FAM13A: variants seen among roughly 807,000 people sequenced by gnomAD.
FAM13A encodes protein FAM13A.
Under a neutral mutation model 129.6 loss-of-function variants are expected in FAM13A, and 76 were observed. The ratio of observed to expected loss-of-function variants is 0.59; its 90% confidence interval spans 0.49 to 0.71. The LOEUF is 0.71. Ranked by LOEUF, FAM13A falls within the 30% of genes least tolerant of loss-of-function variation. FAM13A has a pLI of 0.00. For synonymous variants in FAM13A, 443 were observed against 449.9 expected, an observed-to-expected ratio of 0.98 and a Z score of 0.20; for missense variants, 1,108 against 1,249.3, an observed-to-expected ratio of 0.89 and a Z score of 1.70.
chr4:88,778,528 G>A (rs1722227377), intron 11 of FAM13A, among the ~76,000 whole-genome samples: 1 of 152,180 alleles, frequency 6.6e-6, no homozygotes, highest in South Asian at 2.1e-4. Context: ...CTAGATCAGT[G>A]AAGGGTACAG....
At chr4:89,008,792 G>A (rs1579747995) in intron 3 of FAM13A, among the ~76,000 whole-genome samples, 1 of 152,190 alleles carries the variant, frequency 6.6e-6, no homozygotes, top group South Asian at 2.1e-4. Flanking sequence ...CACTTAAATT[G>A]TGATTAAAGA....
At chr4:88,845,419 A>T (rs1736477035) in intron 7 of FAM13A, among the ~76,000 whole-genome samples, 1 of 152,108 alleles carries the variant, frequency 6.6e-6, no homozygotes, top group South Asian at 2.1e-4. Context: ...GTGACACTAG[A>T]TTAGCCATGG....
At position 88,749,697 on chromosome 4, in the gene FAM13A, T is replaced by C. The variant is rs146309280; in HGVS notation, c.2079+74A>G. The C allele has an allele frequency of 1.0e-3, 1,602 of 1,526,500 alleles. 23 individuals are homozygous for C. In the Admixed American group the frequency reaches 0.027, roughly 26 times the overall value. 94.6% of individuals were successfully genotyped at this position (1,526,500 alleles called of 1,614,324 possible). ...AAGCCTCCCTTAACCTTTCGTCGTT[T>C]CTTTGAGTTGCTGAAATGCTGCCAT... is the stretch of plus-strand genomic sequence containing the variant. On this transcript the variant is annotated intron_variant, in intron 16 of 23. Coordinates refer to ENST00000264344, the MANE Select transcript of FAM13A (RefSeq NM_014883.4).
rs529029175 is a variant in FAM13A, at chr4:88,727,326, A to G, written c.*1207T>C. ...ATCAGGCACACTGAAGAGATGGAGG[A>G]TTTGGTGTCTTACATTTCCTGGTCC... is the stretch of plus-strand genomic sequence containing the variant. On this transcript the variant is annotated 3_prime_UTR_variant, in exon 24 of 24. Coordinates refer to ENST00000264344, the MANE Select transcript of FAM13A (RefSeq NM_014883.4). 1.3e-5 allele frequency: 2 copies of G among 152,770 alleles called. No individual in the cohort carries two copies. Among genetic ancestry groups the G allele is most frequent in the South Asian group, 4.1e-4 (2 of 4,820 alleles). 9.5% of individuals were successfully genotyped at this position (152,770 alleles called of 1,614,324 possible).
intron 7 of FAM13A, among the ~76,000 whole-genome samples, chr4:88,813,869 C>CA (rs1041576658): frequency 1.3e-5 from 2 of 152,192 alleles, no homozygotes; most frequent in African/African-American, 4.8e-5. Flanking sequence ...GGCGCTTCCA[C>CA]AACCACGGGC....
chr4:88,973,055 GGTAAAGT>G (rs1373559639), intron 4 of FAM13A, among the ~76,000 whole-genome samples: 3 of 151,848 alleles, frequency 2.0e-5, no homozygotes, highest in Admixed American at 6.6e-5. Context: ...CTCCTCTATA[GGTAAAGT>G]GTTTTATTCT....
intron 6 of FAM13A, among the ~76,000 whole-genome samples, chr4:88,886,620 A>T (rs1291777320): frequency 6.7e-6 from 1 of 149,476 alleles, no homozygotes; most frequent in Non-Finnish European, 1.5e-5. Context: ...AAATTATGGT[A>T]TATAGGCCTG....
intron 13 of FAM13A, 24 bp from the exon 14 acceptor site, chr4:88,758,925 C>G (rs771412626): frequency 6.2e-7 from 1 of 1,607,976 alleles, no homozygotes; most frequent in Non-Finnish European, 8.5e-7. Flanking sequence ...ACAATGTCCC[C>G]AAATATCTAC....
chr4:88,765,312 AGTCT>A (rs1215176785), intron 13 of FAM13A, among the ~76,000 whole-genome samples: 1 of 152,240 alleles, frequency 6.6e-6, no homozygotes, highest in Non-Finnish European at 1.5e-5. Flanking sequence ...ATAAGGATGA[AGTCT>A]GTCTTAACGG....
At chr4:88,908,311 C>T (rs1004576065) in intron 5 of FAM13A, among the ~76,000 whole-genome samples, 1 of 152,202 alleles carries the variant, frequency 6.6e-6, no homozygotes, top group African/African-American at 2.4e-5. Context: ...TAATACATTG[C>T]ATAATTTGAC....
chr4:88,761,453 A>G (rs1744798788), intron 13 of FAM13A, among the ~76,000 whole-genome samples: 1 of 152,206 alleles, frequency 6.6e-6, no homozygotes, highest in South Asian at 2.1e-4. Flanking sequence ...ATATTAGTGA[A>G]AAGAGCCACT....
At chr4:89,012,440 G>C (rs1226464660) in intron 3 of FAM13A, among the ~76,000 whole-genome samples, 2 of 152,188 alleles carry the variant, frequency 1.3e-5, no homozygotes, top group African/African-American at 4.8e-5. Flanking sequence ...GAGAGGTATT[G>C]TGAGGCCTCT....
At chr4:88,852,005 C>G (rs1360036823) in intron 6 of FAM13A, among the ~76,000 whole-genome samples, 1 of 152,068 alleles carries the variant, frequency 6.6e-6, no homozygotes, top group Non-Finnish European at 1.5e-5. Context: ...ACACTGGAAG[C>G]TTTTTCTTGT....
intron 4 of FAM13A, among the ~76,000 whole-genome samples, chr4:88,958,138 T>C (rs1466237760): frequency 2.0e-4 from 31 of 151,946 alleles, no homozygotes; most frequent in Admixed American, 1.1e-3. Context: ...CTAGAGAAAT[T>C]TGCGTGACTA....
intron 13 of FAM13A, among the ~76,000 whole-genome samples, chr4:88,760,316 GC>G (rs935596520): frequency 3.2e-5 from 3 of 94,328 alleles, no homozygotes; most frequent in African/African-American, 8.6e-5. Flanking sequence ...TTATAGAAAT[GC>G]CAAGTGGCCG....
chr4:88,853,767 C>T (rs1738016555), intron 6 of FAM13A, among the ~76,000 whole-genome samples: 2 of 152,184 alleles, frequency 1.3e-5, no homozygotes. Context: ...CAGACCCACC[C>T]TCAGTCTAGG....
intron 4 of FAM13A, among the ~76,000 whole-genome samples, chr4:88,984,156 G>C (rs1168852402): frequency 2.0e-5 from 3 of 152,094 alleles, no homozygotes; most frequent in African/African-American, 7.2e-5. Flanking sequence ...CTCCAAAATA[G>C]CTCCATAGAC....
At chr4:88,922,827 A>C (rs975571179) in intron 5 of FAM13A, among the ~76,000 whole-genome samples, 1 of 152,216 alleles carries the variant, frequency 6.6e-6, no homozygotes, top group African/African-American at 2.4e-5. Context: ...AAAAAAAGAG[A>C]GAAGAATCAA....
At chr4:88,952,947 CAAAT>C (rs546940049) in intron 4 of FAM13A, among the ~76,000 whole-genome samples, 1 of 151,908 alleles carries the variant, frequency 6.6e-6, no homozygotes, top group East Asian at 1.9e-4. Flanking sequence ...GACTCTGTCT[CAAAT>C]AAATAAATAA....
Sources: gnomAD v4.1 joint callset for allele counts (sites outside exome capture counted in the v4.1 genomes callset) on GRCh38, gnomAD v4.1.1 for gene constraint, MANE v1.5 for transcripts, NCBI Gene and HGNC (gene_info 2026-07-23, HGNC 2026-07-21) for gene names.